KLF13: variants seen among roughly 807,000 people sequenced by gnomAD.
KLF13 encodes the protein Krueppel-like factor 13.
Under a neutral mutation model 16.7 loss-of-function variants are expected in KLF13, and 8 were observed. That is an observed-to-expected ratio of 0.48 (90% CI 0.28 to 0.87). The LOEUF (loss-of-function observed/expected upper bound fraction) is 0.87. Ranked by LOEUF, KLF13 falls within the 40% of genes least tolerant of loss-of-function variation. The pLI, the probability that KLF13 is intolerant of heterozygous loss-of-function variation, is 0.10. For synonymous variants in KLF13, 245 were observed against 208.4 expected (o/e 1.18, Z -1.51); for missense variants, 447 against 452.2 (o/e 0.99, Z 0.10).
exon 3 of KLF13, chr15:31,404,537 G>C (rs1396241673): frequency 6.6e-6 from 1 of 152,226 alleles, no homozygotes; most frequent in Non-Finnish European, 1.5e-5. Context: ...GGACCAATTA[G>C]TGCTCTGTAA....
At chr15:31,399,771 G>T (rs2040008584) in intron 2 of KLF13, among the ~76,000 whole-genome samples, 1 of 152,266 alleles carries the variant, frequency 6.6e-6, no homozygotes, top group Non-Finnish European at 1.5e-5. Context: ...AGGGTCTTCT[G>T]GCTTAGGGCT....
chr15:31,417,178 G>C (rs1381209109), intron 1 of KLF13, among the ~76,000 whole-genome samples: 1 of 152,120 alleles, frequency 6.6e-6, no homozygotes. Context: ...CCAGAACTAT[G>C]AGAAATAAAT....
intron 1 of KLF13, among the ~76,000 whole-genome samples, chr15:31,328,231 C>T (rs2038756929): frequency 6.6e-6 from 1 of 151,054 alleles, no homozygotes; most frequent in South Asian, 2.1e-4. Context: ...TCCCCCGCTG[C>T]CCGGGCGCGC....
chr15:31,410,942 A>G (rs573741905), intron 1 of KLF13, among the ~76,000 whole-genome samples: 2 of 152,374 alleles, frequency 1.3e-5, no homozygotes, highest in Admixed American at 6.5e-5. Context: ...AAATGGATCA[A>G]TTCCTTAAAA....
intron 1 of KLF13, among the ~76,000 whole-genome samples, chr15:31,364,031 G>T (rs1370855344): frequency 6.6e-6 from 1 of 152,166 alleles, no homozygotes; most frequent in Admixed American, 6.5e-5. Context: ...CCTTTGCACA[G>T]TTACCACTAC....
At chr15:31,430,823 A>G (rs1473780501) in intron 1 of KLF13, among the ~76,000 whole-genome samples, 1 of 152,250 alleles carries the variant, frequency 6.6e-6, no homozygotes, top group Non-Finnish European at 1.5e-5. Context: ...AAAGTCTGAC[A>G]GTGCCAAGTA....
chr15:31,340,038 C>T, intron 1 of KLF13: 1 of 702,296 alleles, frequency 1.4e-6, no homozygotes, highest in Admixed American at 2.0e-5. Context: ...GTAGGGCTGA[C>T]CCAGGTTGCC....
intron 1 of KLF13, among the ~76,000 whole-genome samples, chr15:31,341,517 G>A (rs1027590742): frequency 5.4e-4 from 71 of 132,042 alleles, no homozygotes; most frequent in African/African-American, 2.1e-3. Flanking sequence ...TTTTTTTTTT[G>A]AGGCTGGGAC....
chr15:31,328,986 A>C lies in KLF13; in HGVS notation c.577+1197A>C, dbSNP rs191455624. Among the ~76,000 whole-genome samples the C allele has an allele frequency of 1.6e-3, 245 of 152,264 alleles. 2 individuals are homozygous for C. Among genetic ancestry groups the C allele is most frequent in the Non-Finnish European group, 2.6e-3 (177 of 68,036 alleles). The stretch of plus-strand genomic sequence containing the variant: ...CATAGTGATTAAAAGGCATAAAAAG[A>C]AGCTGCAGCCTTGGATACCCTAGAG... On this transcript the variant is annotated intron_variant, in intron 1 of 1. Transcript: ENST00000307145.
chr15:31,374,129 T>G lies in KLF13; in HGVS notation c.*1830T>G, dbSNP rs2039604465. On this transcript the variant is annotated 3_prime_UTR_variant, in exon 2 of 2. Transcript: ENST00000307145. ...ACTGCCCACAGCTGATGGTCACTGT[T>G]TTGGCTGGCTCCAGAGTGGACAGGT... 6.6e-6 allele frequency: 1 copy of G among 152,664 alleles called. No individual in the cohort carries two copies. Among genetic ancestry groups the G allele is most frequent in the Non-Finnish European group, 1.5e-5 (1 of 68,110 alleles). The allele number at this position is 152,664 out of a possible 1,614,324, so 9.5% of individuals were successfully genotyped here.
At chr15:31,364,536 A>G (rs935761354) in intron 1 of KLF13, among the ~76,000 whole-genome samples, 2 of 152,258 alleles carry the variant, frequency 1.3e-5, no homozygotes, top group African/African-American at 4.8e-5. Context: ...TAACATTGTT[A>G]TCTCCTCCAA....
downstream of KLF13, among the ~76,000 whole-genome samples, chr15:31,408,094 A>T (rs1343840412): frequency 6.6e-6 from 1 of 152,248 alleles, no homozygotes; most frequent in Non-Finnish European, 1.5e-5. Flanking sequence ...CTGTTTGCAG[A>T]TGACAAAATG....
At chr15:31,354,682 G>A (rs2039272187) in intron 1 of KLF13, among the ~76,000 whole-genome samples, 1 of 152,288 alleles carries the variant, frequency 6.6e-6, no homozygotes, top group East Asian at 1.9e-4. Flanking sequence ...ACTGCACCTG[G>A]TCATATTAAT....
downstream of KLF13, among the ~76,000 whole-genome samples, chr15:31,378,855 G>A (rs896479629): frequency 6.6e-6 from 1 of 152,150 alleles, no homozygotes; most frequent in Non-Finnish European, 1.5e-5. Flanking sequence ...GAGTAGCTGG[G>A]ATTACAGATG....
At chr15:31,355,149 C>A (rs1421673450) in intron 1 of KLF13, among the ~76,000 whole-genome samples, 5 of 152,206 alleles carry the variant, frequency 3.3e-5, no homozygotes, top group African/African-American at 4.8e-5. Context: ...AAAGCAACAA[C>A]AACCGAAACA....
At chr15:31,338,651 C>A (rs1314580597) in intron 1 of KLF13, among the ~76,000 whole-genome samples, 1 of 152,124 alleles carries the variant, frequency 6.6e-6, no homozygotes, top group African/African-American at 2.4e-5. Context: ...GGTGTGTACC[C>A]TTGGTCCCTG....
At chr15:31,341,868 G>A (rs1353873948) in intron 1 of KLF13, among the ~76,000 whole-genome samples, 1 of 152,136 alleles carries the variant, frequency 6.6e-6, no homozygotes, top group Non-Finnish European at 1.5e-5. Flanking sequence ...GTATCCTCCT[G>A]GATAAACCCA....
chr15:31,400,667 G>T (rs2040021448), intron 2 of KLF13, among the ~76,000 whole-genome samples: 1 of 151,550 alleles, frequency 6.6e-6, no homozygotes, highest in Admixed American at 6.6e-5. Flanking sequence ...CCCAACTTGG[G>T]TTTTGGATTT....
At chr15:31,328,123 G>T (rs1015418258) in intron 1 of KLF13, among the ~76,000 whole-genome samples, 1 of 149,980 alleles carries the variant, frequency 6.7e-6, no homozygotes, top group African/African-American at 2.4e-5. Flanking sequence ...GCGCGGGCAG[G>T]TGCGGGCGGC....
Sources: allele counts gnomAD v4.1 joint callset (sites outside exome capture counted in the v4.1 genomes callset), GRCh38; gene constraint gnomAD v4.1.1; transcripts MANE v1.5; gene names NCBI Gene and HGNC (gene_info 2026-07-23, HGNC 2026-07-21).